FSTL5: variants seen among roughly 807,000 people sequenced by gnomAD.
FSTL5 encodes the protein follistatin-related protein 5.
A neutral mutation model predicts 89.1 loss-of-function variants in FSTL5; 62 were observed. The ratio of observed to expected loss-of-function variants is 0.70; its 90% CI spans 0.57 to 0.86. FSTL5 has a LOEUF of 0.86. FSTL5 is among the 40% of genes least tolerant of loss of function. The pLI is 0.00. For synonymous variants in FSTL5, 383 were observed against 346.2 expected, an observed-to-expected ratio of 1.11 and a Z score of -1.18; for missense variants, 1,057 against 1,001.6, an observed-to-expected ratio of 1.06 and a Z score of -0.75.
At chr4:161,711,881 C>A (rs374921715) in intron 6 of FSTL5, among the ~76,000 whole-genome samples, 1 of 152,044 alleles carries the variant, frequency 6.6e-6, no homozygotes, top group Non-Finnish European at 1.5e-5. Flanking sequence ...TAAAAGTACA[C>A]GACTATCTCC....
At chr4:161,668,113 C>T (rs911932738) in intron 6 of FSTL5, among the ~76,000 whole-genome samples, 5 of 151,870 alleles carry the variant, frequency 3.3e-5, no homozygotes, top group Non-Finnish European at 7.4e-5. Context: ...AAAGATAAAA[C>T]CAATAAGCCT....
chr4:161,896,781 A>C (rs1373634503), intron 4 of FSTL5, among the ~76,000 whole-genome samples: 1 of 152,212 alleles, frequency 6.6e-6, no homozygotes. Context: ...CTTATGGAAA[A>C]TACATCATTT....
At chr4:161,997,643 TGCC>T (rs1330553254) in intron 3 of FSTL5, among the ~76,000 whole-genome samples, 2 of 150,202 alleles carry the variant, frequency 1.3e-5, no homozygotes, top group African/African-American at 4.9e-5. Context: ...CTTGCTCTGT[TGCC>T]CAGGCTGGAG....
chr4:161,590,558 CAAAT>C (rs1237938608), intron 7 of FSTL5, among the ~76,000 whole-genome samples: 2 of 151,950 alleles, frequency 1.3e-5, no homozygotes, highest in African/African-American at 4.8e-5. Flanking sequence ...CAAAACAAAA[CAAAT>C]AGTCTGATTA....
intron 3 of FSTL5, among the ~76,000 whole-genome samples, chr4:161,995,646 G>A (rs1016615270): frequency 1.3e-5 from 2 of 151,650 alleles, no homozygotes; most frequent in East Asian, 1.9e-4. Flanking sequence ...GTATCACATC[G>A]GAAGTATACA....
intron 4 of FSTL5, among the ~76,000 whole-genome samples, chr4:161,887,808 A>G (rs1732863104): frequency 6.6e-6 from 1 of 152,192 alleles, no homozygotes; most frequent in Non-Finnish European, 1.5e-5. Flanking sequence ...AATCTTCCAT[A>G]GGAAAATGCT....
chr4:161,992,842 C>A, intron 3 of FSTL5, among the ~76,000 whole-genome samples: 1 of 45,198 alleles, frequency 2.2e-5, no homozygotes, highest in African/African-American at 8.0e-5. Flanking sequence ...AGTGAAACTC[C>A]ATCTCAAAAA....
chr4:161,736,107 T>C (rs1247131876), intron 6 of FSTL5, among the ~76,000 whole-genome samples: 1 of 152,144 alleles, frequency 6.6e-6, no homozygotes, highest in Non-Finnish European at 1.5e-5. Context: ...TGTGTGACTT[T>C]ATTTATGAAA....
At chr4:162,033,569 T>A (rs1448658823) in intron 3 of FSTL5, 56 bp downstream of exon 3, 2 of 921,644 alleles carry the variant, frequency 2.2e-6, no homozygotes, top group Non-Finnish European at 3.3e-6. Flanking sequence ...TCACATATCT[T>A]TTTTCTTTCT....
chr4:161,759,186 T>A (rs919837281), intron 6 of FSTL5, among the ~76,000 whole-genome samples: 4 of 152,224 alleles, frequency 2.6e-5, no homozygotes, highest in African/African-American at 9.6e-5. Context: ...TCAATGAGAA[T>A]TGATGATATT....
At chr4:161,425,451 A>G (rs929914369) in intron 15 of FSTL5, among the ~76,000 whole-genome samples, 1 of 152,196 alleles carries the variant, frequency 6.6e-6, no homozygotes, top group Non-Finnish European at 1.5e-5. Context: ...TTTATACTTA[A>G]GGGTACACTT....
chr4:161,487,983 C>T (rs1168861770), intron 12 of FSTL5, among the ~76,000 whole-genome samples: 1 of 151,960 alleles, frequency 6.6e-6, no homozygotes, highest in Non-Finnish European at 1.5e-5. Flanking sequence ...ATGATCAAGT[C>T]TGAGCTATTT....
intron 9 of FSTL5, among the ~76,000 whole-genome samples, chr4:161,540,281 T>C (rs1327348356): frequency 6.6e-6 from 1 of 152,190 alleles, no homozygotes; most frequent in Admixed American, 6.6e-5. Flanking sequence ...TTTCAATTCC[T>C]AGGACATTCA....
chr4:161,417,202 A>G (rs1306541639), intron 15 of FSTL5, among the ~76,000 whole-genome samples: 1 of 152,188 alleles, frequency 6.6e-6, no homozygotes, highest in East Asian at 1.9e-4. Flanking sequence ...AAATAACGCT[A>G]TTTTATGCTT....
At chr4:161,990,552 G>A (rs1307418882) in intron 3 of FSTL5, among the ~76,000 whole-genome samples, 3 of 151,608 alleles carry the variant, frequency 2.0e-5, no homozygotes, top group East Asian at 1.9e-4. Flanking sequence ...TAAACTCAAC[G>A]TTAACTTATA....
intron 8 of FSTL5, among the ~76,000 whole-genome samples, chr4:161,585,697 C>T (rs1460755334): frequency 6.6e-6 from 1 of 151,820 alleles, no homozygotes; most frequent in East Asian, 1.9e-4. Context: ...AGAACAATTT[C>T]CCCATGGATG....
chr4:161,675,839 TAAA>T (rs1174424388), intron 6 of FSTL5, among the ~76,000 whole-genome samples: 2 of 152,072 alleles, frequency 1.3e-5, no homozygotes, highest in African/African-American at 4.8e-5. Context: ...ATATGGATAA[TAAA>T]AGTCATATTT....
chr4:161,777,983 A>G (rs918425761), intron 4 of FSTL5, among the ~76,000 whole-genome samples: 2 of 151,888 alleles, frequency 1.3e-5, no homozygotes, highest in African/African-American at 4.8e-5. Flanking sequence ...AAACCCAGCT[A>G]CTCGGGAGGC....
At chr4:161,946,488 G>A (rs1346618811) in intron 3 of FSTL5, among the ~76,000 whole-genome samples, 1 of 152,184 alleles carries the variant, frequency 6.6e-6, no homozygotes, top group East Asian at 1.9e-4. Flanking sequence ...ATGCCTTCAG[G>A]TGTGATTGAA....
Sources: allele counts gnomAD v4.1 joint callset (sites outside exome capture counted in the v4.1 genomes callset), GRCh38; gene constraint gnomAD v4.1.1; transcripts MANE v1.5; gene names NCBI Gene and HGNC (gene_info 2026-07-23, HGNC 2026-07-21).